DHRS4L2: variants seen among roughly 807,000 people sequenced by gnomAD.
The protein encoded by DHRS4L2 is dehydrogenase/reductase SDR family member 4-like 2.
In DHRS4L2, 22 loss-of-function variants were observed where a neutral mutation model predicts 23.9. That is an observed-to-expected ratio of 0.92 (90% confidence interval 0.66 to 1.31). The LOEUF (loss-of-function observed/expected upper bound fraction) is 1.31. Ranked by LOEUF, DHRS4L2 falls within the 40% of genes most tolerant of loss-of-function variation. The probability of loss-of-function intolerance (pLI) is 0.00; values close to 1 mark genes in which losing one functional copy is unlikely to be tolerated. For missense variants in DHRS4L2, 385 were observed against 303.3 expected, an observed-to-expected ratio of 1.27 and a Z score of -2.00; for synonymous variants, 141 against 123.7, an observed-to-expected ratio of 1.14 and a Z score of -0.93.
At chr14:23,998,856 A>C (rs2034432112) in intron 3 of DHRS4L2, among the ~76,000 whole-genome samples, 1 of 146,320 alleles carries the variant, frequency 6.8e-6, no homozygotes, top group South Asian at 2.3e-4. Flanking sequence ...TTGCATTCAC[A>C]ATTTGGCTAA....
chr14:23,974,745 A>C (rs574336109), intron 1 of DHRS4L2, among the ~76,000 whole-genome samples: 4 of 151,874 alleles, frequency 2.6e-5, no homozygotes, highest in Admixed American at 2.6e-4. Flanking sequence ...TCTGAAATTG[A>C]GGCAATAATT....
chr14:23,973,298 C>T (rs565248691), intron 1 of DHRS4L2, among the ~76,000 whole-genome samples: 1 of 152,096 alleles, frequency 6.6e-6, no homozygotes, highest in African/African-American at 2.4e-5. Context: ...CCGCCAAGGC[C>T]ACACCCACCC....
chr14:23,972,233 T>A (rs565777961), intron 1 of DHRS4L2, among the ~76,000 whole-genome samples: 1 of 152,036 alleles, frequency 6.6e-6, no homozygotes, highest in East Asian at 1.9e-4. Flanking sequence ...AGTTTGTTCC[T>A]TCTGATGTTC....
chr14:24,006,045 G>C lies in DHRS4L2; in HGVS notation c.*182G>C, dbSNP rs1295491334. On this transcript the variant is annotated 3_prime_UTR_variant, in exon 8 of 8. Transcript: ENST00000335125. Reference sequence around the variant, plus strand: ...AGGCCAGAGTTGGGCTCTAGCTCCTGGTGCTGTTCCTGCATTCACCCACTG... The same window carrying C: ...AGGCCAGAGTTGGGCTCTAGCTCCTCGTGCTGTTCCTGCATTCACCCACTG... The C allele has an allele frequency of 1.3e-6, 2 of 1,599,198 alleles. No individual in the cohort carries two copies. Among genetic ancestry groups the C allele is most frequent in the East Asian group, 2.3e-5 (1 of 43,696 alleles).
At chr14:23,988,297 T>C (rs1039128760), upstream of DHRS4L2, among the ~76,000 whole-genome samples, 1 of 148,642 alleles carries the variant, frequency 6.7e-6, no homozygotes, top group African/African-American at 2.4e-5. Context: ...GAAGTCCCTT[T>C]GGCGAGGGAT....
chr14:23,982,263 T>G (rs1280375525), intron 1 of DHRS4L2, among the ~76,000 whole-genome samples: 1 of 151,752 alleles, frequency 6.6e-6, no homozygotes, highest in Non-Finnish European at 1.5e-5. Flanking sequence ...GCATACTGCC[T>G]GTAAACATTT....
chr14:23,972,370 C>T lies in DHRS4L2; in HGVS notation c.-176+2038C>T, dbSNP rs557235610. 1.6e-4 allele frequency among the ~76,000 whole-genome samples: 24 copies of T among 151,958 alleles called. No individual in the cohort carries two copies. The East Asian group carries it at 2.3e-3, about 15-fold the overall frequency. ...GCATGTCTGGAGTTGTTCGTTCCTC[C>T]TGTCTGGAGTTGTTCATTCCTCCTG... On this transcript the variant is annotated intron_variant, in intron 1 of 5. Transcript: ENST00000534993.
At chr14:23,974,688 G>T (rs977691765) in intron 1 of DHRS4L2, among the ~76,000 whole-genome samples, 10 of 151,816 alleles carry the variant, frequency 6.6e-5, no homozygotes, top group Non-Finnish European at 1.5e-4. Context: ...ACCTTCTGCA[G>T]ACTAAATCAG....
intron 3 of DHRS4L2, among the ~76,000 whole-genome samples, chr14:23,999,131 C>G (rs1329947852): frequency 1.4e-5 from 2 of 143,496 alleles, no homozygotes; most frequent in African/African-American, 5.2e-5. Context: ...TTAAGTTGAC[C>G]TTCTTTTCTG....
intron 1 of DHRS4L2, among the ~76,000 whole-genome samples, chr14:23,983,084 G>C (rs1238439154): frequency 1.3e-5 from 2 of 151,658 alleles, no homozygotes; most frequent in African/African-American, 4.8e-5. Flanking sequence ...TATCGTCAGA[G>C]TGAACAGGCA....
chr14:23,990,973 AG>A, intron 2 of DHRS4L2: 1 of 786,630 alleles, frequency 1.3e-6, no homozygotes, highest in East Asian at 1.3e-4. Flanking sequence ...TCAGTCTCAA[AG>A]AAAGTACATA....
intron 1 of DHRS4L2, among the ~76,000 whole-genome samples, chr14:23,972,583 T>C (rs891352486): frequency 4.0e-5 from 6 of 151,860 alleles, no homozygotes; most frequent in Non-Finnish European, 7.4e-5. Context: ...AAGGGGTGGC[T>C]TGCCCCTCCA....
At chr14:24,005,659 G>C (rs1199961092) in intron 7 of DHRS4L2, among the ~76,000 whole-genome samples, 2 of 151,902 alleles carry the variant, frequency 1.3e-5, no homozygotes, top group Non-Finnish European at 2.9e-5. Context: ...TGTTTCTATA[G>C]TATTTGAATA....
intron 1 of DHRS4L2, among the ~76,000 whole-genome samples, chr14:23,976,322 G>C (rs1283455015): frequency 6.6e-6 from 1 of 151,932 alleles, no homozygotes; most frequent in East Asian, 1.9e-4. Flanking sequence ...CTCAAAAGAA[G>C]ACATTTACAC....
intron 3 of DHRS4L2, 50 bp downstream of exon 3, chr14:23,995,183 C>G (rs1225019436): frequency 6.3e-7 from 1 of 1,588,314 alleles, no homozygotes; most frequent in Non-Finnish European, 8.6e-7. Context: ...ACACATTCAG[C>G]ACAAACTCCA....
At chr14:23,994,145 C>G (rs1021357936) in intron 2 of DHRS4L2, among the ~76,000 whole-genome samples, 1 of 151,660 alleles carries the variant, frequency 6.6e-6, no homozygotes, top group Non-Finnish European at 1.5e-5. Flanking sequence ...TCTATTTAAG[C>G]CAGTTTTTCC....
chr14:23,990,180 A>C lies in DHRS4L2; in HGVS notation c.129-2A>C. The C allele has an allele frequency of 3.7e-6, 6 of 1,612,662 alleles. No individual in the cohort carries two copies. Among genetic ancestry groups the C allele is most frequent in the Non-Finnish European group, 5.1e-6 (6 of 1,179,288 alleles). On this transcript the variant is annotated splice_acceptor_variant, in intron 1 of 7. Coordinates refer to ENST00000335125, the MANE Select transcript of DHRS4L2 (RefSeq NM_198083.4). LOFTEE classifies it high-confidence loss of function. ...GCAGTCTTTGTCTCTTTCTGCTCAC[A>C]GGATCGGCTTCGCCATCGCCCGGCG...
chr14:23,994,427 C>A (rs1285276979), intron 2 of DHRS4L2, among the ~76,000 whole-genome samples: 1 of 151,734 alleles, frequency 6.6e-6, no homozygotes, highest in Non-Finnish European at 1.5e-5. Context: ...TTCCTGGTGG[C>A]TTGTGCCTAT....
rs1453364603 is a variant in DHRS4L2 at position 23,972,439 on chromosome 14, C to T, written c.-176+2107C>T. 3.3e-5 allele frequency among the ~76,000 whole-genome samples: 5 copies of T among 152,112 alleles called. No individual in the cohort carries two copies. The East Asian group carries it at 9.7e-4, about 29-fold the overall frequency. ...TGGCCTCAGGAGTGAAGCTGCAGAC[C>T]TTCACGGTGAGTGTTACAGCTCATA... is the stretch of plus-strand genomic sequence containing the variant. On this transcript the variant is annotated intron_variant, in intron 1 of 5. Transcript: ENST00000534993.
Sources: gnomAD v4.1 joint callset for allele counts (sites outside exome capture counted in the v4.1 genomes callset) on GRCh38, gnomAD v4.1.1 for gene constraint, MANE v1.5 for transcripts, NCBI Gene and HGNC (gene_info 2026-07-23, HGNC 2026-07-21) for gene names.